Variants in FAM163A observed in about 807,000 individuals in gnomAD.
The protein encoded by FAM163A is protein FAM163A.
A neutral mutation model predicts 12.0 loss-of-function variants in FAM163A; 7 were observed. The observed-to-expected ratio is 0.58, with a 90% CI of 0.33 to 1.10. The LOEUF (loss-of-function observed/expected upper bound fraction) is 1.10. Among genes scored for constraint, FAM163A ranks in the 50% least tolerant of loss-of-function variants. FAM163A has a pLI of 0.03. For synonymous variants in FAM163A, 101 were observed against 91.0 expected, an observed-to-expected ratio of 1.11 and a Z score of -0.62; for missense variants, 202 against 218.6, an observed-to-expected ratio of 0.92 and a Z score of 0.48.
At chr1:179,748,693 G>T (rs2147969841) in intron 1 of FAM163A, among the ~76,000 whole-genome samples, 1 of 152,260 alleles carries the variant, frequency 6.6e-6, no homozygotes, top group Middle Eastern at 3.4e-3. Context: ...ACTGGCCCAA[G>T]GAACTCTGAT....
intron 1 of FAM163A, among the ~76,000 whole-genome samples, chr1:179,760,763 C>T (rs1686702385): frequency 6.6e-6 from 1 of 152,200 alleles, no homozygotes; most frequent in African/African-American, 2.4e-5. Context: ...TCCAATACAT[C>T]CACCCTTGCT....
At chr1:179,778,349 A>G (rs1689268126) in intron 1 of FAM163A, among the ~76,000 whole-genome samples, 1 of 152,166 alleles carries the variant, frequency 6.6e-6, no homozygotes, top group African/African-American at 2.4e-5. Context: ...AAGGCCTTAC[A>G]CAGCTGTGAT....
upstream of FAM163A, among the ~76,000 whole-genome samples, chr1:179,740,743 G>A (rs1283933419): frequency 1.3e-5 from 2 of 152,178 alleles, no homozygotes; most frequent in African/African-American, 4.8e-5. Flanking sequence ...GATGGGGAAG[G>A]ATGCACAGGG....
chr1:179,729,391 T>C, the FAM163A span, among the ~76,000 whole-genome samples: 1 of 152,204 alleles, frequency 6.6e-6, no homozygotes, highest in Non-Finnish European at 1.5e-5. Context: ...TCAAGGATCT[T>C]AGAGTTTCAC....
In FAM163A at chr1:179,760,248, T is replaced by G. The variant is rs148037404; in HGVS notation, c.-136+16825T>G. 1.3e-4 allele frequency among the ~76,000 whole-genome samples: 20 copies of G among 152,316 alleles called. No individual in the cohort carries two copies. The East Asian group carries it at 3.7e-3, about 28-fold the overall frequency. ...GGTCATGCCCAGGGGTTGGAAGTAC[T>G]AGTTCTGGGACCACCTTTACTTTAT... On this transcript the variant is annotated intron_variant, in intron 1 of 4. Coordinates refer to ENST00000341785, the MANE Select transcript of FAM163A (RefSeq NM_173509.3).
chr1:179,743,160 G>C (rs1683872649), upstream of FAM163A: 1 of 152,390 alleles, frequency 6.6e-6, no homozygotes, highest in Non-Finnish European at 1.5e-5. Context: ...GCTTCACTTG[G>C]CCCGCGTGCA....
At chr1:179,787,348 C>G (rs1475711458) in intron 1 of FAM163A, among the ~76,000 whole-genome samples, 1 of 152,146 alleles carries the variant, frequency 6.6e-6, no homozygotes, top group Non-Finnish European at 1.5e-5. Flanking sequence ...TGCCAGCATG[C>G]AATGTGTTCA....
At chr1:179,755,654 T>G (rs574399364) in intron 1 of FAM163A, among the ~76,000 whole-genome samples, 1 of 152,268 alleles carries the variant, frequency 6.6e-6, no homozygotes, top group East Asian at 1.9e-4. Flanking sequence ...ACAGAATTGA[T>G]TCATGAAAGA....
In FAM163A at chr1:179,802,047, T is replaced by C. The variant is rs1002888098; in HGVS notation, c.-135-5751T>C. The stretch of plus-strand genomic sequence containing the variant: ...CCCTGGGGGAAGTGAAAGCCTCCTT[T>C]CTTTTCTCTTTTTGTTTGACTTGGA... On this transcript the variant is annotated intron_variant, in intron 1 of 4. Transcript: ENST00000341785. 1.3e-4 allele frequency among the ~76,000 whole-genome samples: 20 copies of C among 152,186 alleles called. 1 individual carries two copies. The highest frequency in any genetic ancestry group is 3.9e-4 in the African/African-American group (16 of 41,432).
rs533472098 is a variant in FAM163A at position 179,799,102 on chromosome 1, GGAAGAAAGTGAA to G, written c.-135-8695_-135-8684del. Among the ~76,000 whole-genome samples, 1,361 of 151,632 alleles carry G rather than the reference GGAAGAAAGTGAA, an allele frequency of 9.0e-3. 20 individuals carry two copies. Among genetic ancestry groups the G allele is most frequent in the African/African-American group, 0.031 (1,293 of 41,466 alleles). On this transcript the variant is annotated intron_variant, in intron 1 of 4. Coordinates refer to ENST00000341785, the MANE Select transcript of FAM163A (RefSeq NM_173509.3). ...CTTACTGGATTTCTTCCAGTCTGCT[GGAAGAAAGTGAA>G]ACAAGTGAAACAAGTGTTTCACTGC...
At chr1:179,733,244 C>A in the FAM163A span, among the ~76,000 whole-genome samples, 1 of 152,156 alleles carries the variant, frequency 6.6e-6, no homozygotes, top group African/African-American at 2.4e-5. Context: ...GAAAGATTAA[C>A]TTCCCTGAGA....
chr1:179,795,853 G>T (rs950321347), intron 1 of FAM163A, among the ~76,000 whole-genome samples: 2 of 151,822 alleles, frequency 1.3e-5, no homozygotes, highest in Non-Finnish European at 2.9e-5. Flanking sequence ...CCCAAGTTTG[G>T]CTTGGTTTTA....
chr1:179,755,188 G>A (rs1156565513), intron 1 of FAM163A, among the ~76,000 whole-genome samples: 1 of 38,844 alleles, frequency 2.6e-5, no homozygotes, highest in African/African-American at 2.7e-4. Flanking sequence ...CACTCTAGTG[G>A]TCAGTGAAGA....
chr1:179,765,972 C>A (rs905850198), intron 1 of FAM163A, among the ~76,000 whole-genome samples: 1 of 152,140 alleles, frequency 6.6e-6, no homozygotes, highest in Non-Finnish European at 1.5e-5. Flanking sequence ...TCTCAGCCAC[C>A]TTGGAAGGGC....
Position 179,813,935 on chromosome 1 carries a change from TGCA to T in FAM163A, c.253_255del (p.Ser85del). 1 of 1,613,630 alleles carries T rather than the reference TGCA, an allele frequency of 6.2e-7. No homozygotes were observed. The highest frequency in any genetic ancestry group is 1.3e-5 in the African/African-American group (1 of 75,042). ...CCTGGCGCCTCTCACCAGCGAGCCC[TGCA>T]GCCAGCCCTGTGGGGTGGCCGCGAG... On this transcript the variant is annotated inframe_deletion, in exon 5 of 5. Transcript: ENST00000341785.
chr1:179,787,956 C>T (rs975077806), intron 1 of FAM163A, among the ~76,000 whole-genome samples: 1 of 152,184 alleles, frequency 6.6e-6, no homozygotes, highest in African/African-American at 2.4e-5. Context: ...GGATGTCAAC[C>T]AGGCTTGGAA....
intron 1 of FAM163A, among the ~76,000 whole-genome samples, chr1:179,747,972 G>A (rs190801391): frequency 3.9e-4 from 59 of 151,968 alleles, no homozygotes; most frequent in African/African-American, 1.4e-3. Flanking sequence ...AGGGGGAGGA[G>A]GAAGAGGACT....
At chr1:179,798,306 T>A (rs1692659246) in intron 1 of FAM163A, among the ~76,000 whole-genome samples, 2 of 152,228 alleles carry the variant, frequency 1.3e-5, no homozygotes. Context: ...CCCATCCGTG[T>A]GGCTGAGGGC....
chr1:179,782,973 G>A (rs963251389), intron 1 of FAM163A, among the ~76,000 whole-genome samples: 1 of 151,950 alleles, frequency 6.6e-6, no homozygotes, highest in African/African-American at 2.4e-5. Context: ...ATTCATTCAT[G>A]TACAAAATTA....
Sources: allele counts gnomAD v4.1 joint callset (sites outside exome capture counted in the v4.1 genomes callset), GRCh38; gene constraint gnomAD v4.1.1; transcripts MANE v1.5; gene names NCBI Gene and HGNC (gene_info 2026-07-23, HGNC 2026-07-21).